Variants in KIF18A observed in about 807,000 individuals in gnomAD.
The protein encoded by KIF18A is kinesin-like protein KIF18A.
A neutral mutation model predicts 103.3 loss-of-function variants in KIF18A; 67 were observed. The observed-to-expected ratio is 0.65, with a 90% CI of 0.53 to 0.79. The LOEUF (loss-of-function observed/expected upper bound fraction) is 0.79, where lower values mean the gene tolerates loss of function less well. Among genes scored for constraint, KIF18A ranks in the 30% least tolerant of loss-of-function variants. The pLI is 0.00. For missense variants in KIF18A, 1,032 were observed against 1,062.5 expected (o/e 0.97, Z 0.40); for synonymous variants, 367 against 355.5 (o/e 1.03, Z -0.36).
intron 10 of KIF18A, among the ~76,000 whole-genome samples, chr11:28,069,933 A>C (rs1001605998): frequency 6.6e-6 from 1 of 152,192 alleles, no homozygotes; most frequent in Non-Finnish European, 1.5e-5. Context: ...TCAGTATCTG[A>C]TCTTGCCTGT....
At position 28,091,530 on chromosome 11, in the gene KIF18A, C is replaced by T; in HGVS notation, c.484-17G>A. 2 of 1,387,686 alleles carry T rather than the reference C, an allele frequency of 1.4e-6. No homozygotes were observed. Among genetic ancestry groups the T allele is most frequent in the Non-Finnish European group, 2.0e-6 (2 of 985,896 alleles). The allele number at this position is 1,387,686 out of a possible 1,614,324, so 86.0% of individuals were successfully genotyped here. A position where few individuals can be genotyped will look rare whatever the true frequency, so the allele number is the denominator to read the frequency against. Reference sequence around the variant, plus strand: ...ATTATATACCTTAAAATAAAAAGAACTGCTTTAGCATTGATGTAAAAAAAA... The same window carrying T: ...ATTATATACCTTAAAATAAAAAGAATTGCTTTAGCATTGATGTAAAAAAAA... On this transcript the variant is annotated splice_polypyrimidine_tract_variant and intron_variant, in intron 3 of 16. Coordinates refer to ENST00000263181, the MANE Select transcript of KIF18A (RefSeq NM_031217.4).
intron 9 of KIF18A, among the ~76,000 whole-genome samples, chr11:28,081,799 G>T (rs1433883635): frequency 6.6e-6 from 1 of 152,084 alleles, no homozygotes; most frequent in South Asian, 2.1e-4. Context: ...CTTCTCTGAC[G>T]GATCTAGGCA....
At chr11:28,058,721 T>C (rs1321745768) in intron 13 of KIF18A, among the ~76,000 whole-genome samples, 1 of 146,976 alleles carries the variant, frequency 6.8e-6, no homozygotes, top group Non-Finnish European at 1.5e-5. Context: ...TGAATTTTAC[T>C]GCTAGAGTTA....
At chr11:28,027,280 T>G (rs1428691279) in intron 15 of KIF18A, among the ~76,000 whole-genome samples, 1 of 151,894 alleles carries the variant, frequency 6.6e-6, no homozygotes, top group African/African-American at 2.4e-5. Context: ...GCATTCAATT[T>G]ATAGGATATA....
At chr11:28,038,109 A>G (rs1245954521) in intron 13 of KIF18A, among the ~76,000 whole-genome samples, 1 of 151,638 alleles carries the variant, frequency 6.6e-6, no homozygotes, top group East Asian at 1.9e-4. Flanking sequence ...TTCTGATTAA[A>G]GACTTTTTAG....
intron 10 of KIF18A, among the ~76,000 whole-genome samples, chr11:28,075,320 C>T (rs1439442944): frequency 6.6e-6 from 1 of 152,134 alleles, no homozygotes. Flanking sequence ...AATCAGAACT[C>T]AGCACCTAGG....
Position 28,106,997 on chromosome 11 carries a change from G to A in KIF18A, c.-47+1067C>T, listed in dbSNP as rs528087734. 2.0e-5 allele frequency among the ~76,000 whole-genome samples: 3 copies of A among 152,044 alleles called. No individual in the cohort carries two copies. The South Asian group carries it at 6.2e-4, about 32-fold the overall frequency. ...AATAAATGAATAAATAATAGAAAAG[G>A]AGATTAATTACTACTATTAAAGGCA... On this transcript the variant is annotated intron_variant, in intron 1 of 16. Coordinates refer to ENST00000263181, the MANE Select transcript of KIF18A (RefSeq NM_031217.4).
chr11:28,090,652 T>A lies in KIF18A; in HGVS notation c.664A>T (p.Asn222Tyr). The part of the protein sequence containing the change: ...KNRTQHPTDM[N>Y]ATSSRSHAVF... ...GCATGAGAACGAGAAGATGTGGCAT[T>A]CATATCAGTGGGATGTTGTGTCCTG... The change falls in exon 5 of 17, where the codon AAT (asparagine) becomes TAT (tyrosine). Residue 222 changes from asparagine to tyrosine, a missense_variant. Coordinates refer to ENST00000263181, the MANE Select transcript of KIF18A (RefSeq NM_031217.4). The A allele has an allele frequency of 6.2e-7, 1 of 1,607,952 alleles. No individual in the cohort carries two copies. Among genetic ancestry groups the A allele is most frequent in the Non-Finnish European group, 8.5e-7 (1 of 1,174,946 alleles).
intron 13 of KIF18A, among the ~76,000 whole-genome samples, chr11:28,040,710 G>A (rs886733641): frequency 1.3e-5 from 2 of 151,690 alleles, no homozygotes; most frequent in African/African-American, 4.8e-5. Context: ...CATATCTCTA[G>A]GGTCTATCTA....
intron 10 of KIF18A, 97 bp downstream of exon 10, chr11:28,076,910 G>T: frequency 1.6e-6 from 1 of 612,054 alleles, no homozygotes; most frequent in South Asian, 2.6e-5. Flanking sequence ...CTCCAGCTTG[G>T]GCAACAGAAG....
chr11:28,048,196 G>A (rs910558350), intron 13 of KIF18A, among the ~76,000 whole-genome samples: 4 of 152,040 alleles, frequency 2.6e-5, no homozygotes, highest in Admixed American at 1.3e-4. Flanking sequence ...TGGGGGTGGG[G>A]AATCTGACAA....
intron 13 of KIF18A, among the ~76,000 whole-genome samples, chr11:28,036,912 G>A (rs570376134): frequency 5.0e-4 from 76 of 151,350 alleles, no homozygotes; most frequent in African/African-American, 1.8e-3. Flanking sequence ...TAATTTATAG[G>A]TATAGCTTTC....
chr11:28,032,300 G>A (rs919267459), intron 15 of KIF18A, among the ~76,000 whole-genome samples: 5 of 151,684 alleles, frequency 3.3e-5, no homozygotes, highest in Non-Finnish European at 5.9e-5. Context: ...ACTCACAGTG[G>A]TCTACAGAAT....
At chr11:28,080,254 A>G (rs1052088340) in intron 9 of KIF18A, among the ~76,000 whole-genome samples, 1 of 152,074 alleles carries the variant, frequency 6.6e-6, no homozygotes, top group Non-Finnish European at 1.5e-5. Context: ...TTGATCTACA[A>G]AGTGTGAAAT....
At chr11:28,021,431 A>G (rs772271744) in intron 16 of KIF18A, 149 bp from the exon 17 acceptor site, 5 of 747,508 alleles carry the variant, frequency 6.7e-6, no homozygotes, top group Non-Finnish European at 9.3e-6. Flanking sequence ...AAATATAACA[A>G]CAACAAAGAG....
intron 15 of KIF18A, among the ~76,000 whole-genome samples, chr11:28,025,900 A>C (rs538108631): frequency 3.9e-5 from 6 of 152,092 alleles, no homozygotes; most frequent in African/African-American, 1.4e-4. Context: ...TTTTATCTGA[A>C]ATAATTTCTA....
At chr11:28,044,130 A>C (rs1038580833) in intron 13 of KIF18A, among the ~76,000 whole-genome samples, 1 of 152,038 alleles carries the variant, frequency 6.6e-6, no homozygotes, top group African/African-American at 2.4e-5. Flanking sequence ...ATTGCTAGGT[A>C]ACTGCTCCTT....
intron 13 of KIF18A, among the ~76,000 whole-genome samples, chr11:28,041,576 T>C (rs1403663720): frequency 6.6e-6 from 1 of 151,720 alleles, no homozygotes; most frequent in Non-Finnish European, 1.5e-5. Flanking sequence ...TTATTCCAAG[T>C]GTAAAGGGAG....
At chr11:28,028,856 G>A (rs372396407) in intron 15 of KIF18A, among the ~76,000 whole-genome samples, 24 of 152,016 alleles carry the variant, frequency 1.6e-4, no homozygotes, top group East Asian at 5.8e-4. Flanking sequence ...TATCACCACC[G>A]ATCCCACAGA....
Sources: gnomAD v4.1 joint callset for allele counts (sites outside exome capture counted in the v4.1 genomes callset) on GRCh38, gnomAD v4.1.1 for gene constraint, MANE v1.5 for transcripts, NCBI Gene and HGNC (gene_info 2026-07-23, HGNC 2026-07-21) for gene names.